The following DYTN variants were observed in gnomAD, a reference collection of about 807,000 sequenced individuals.
The protein encoded by DYTN is dystrotelin.
Under a neutral mutation model 69.6 loss-of-function variants are expected in DYTN, and 75 were observed. The observed-to-expected ratio is 1.08, with a 90% CI of 0.89 to 1.31. The LOEUF (loss-of-function observed/expected upper bound fraction) is 1.31. Among genes scored for constraint, DYTN ranks in the 50% most tolerant of loss-of-function variants. The pLI is 0.00. For synonymous variants in DYTN, 252 were observed against 249.1 expected (o/e 1.01, Z -0.11); for missense variants, 726 against 688.4 (o/e 1.05, Z -0.61).
At chr2:206,703,278 C>T (rs1409234837) in intron 5 of DYTN, among the ~76,000 whole-genome samples, 3 of 152,168 alleles carry the variant, frequency 2.0e-5, no homozygotes, top group Non-Finnish European at 4.4e-5. Context: ...CGCTTCTAAG[C>T]ACTCCAGTCT....
At chr2:206,655,605 G>A (rs913659674) in intron 11 of DYTN, among the ~76,000 whole-genome samples, 1 of 76,440 alleles carries the variant, frequency 1.3e-5, no homozygotes, top group Non-Finnish European at 2.7e-5. Flanking sequence ...TTTTTTTTTT[G>A]TAGAGATAGG....
At chr2:206,702,398 A>T (rs2163033) in intron 5 of DYTN, among the ~76,000 whole-genome samples, 41,159 of 152,218 alleles carry the variant, frequency 0.27, 5,844 homozygotes, top group East Asian at 0.43. Flanking sequence ...ACGTTCTTCT[A>T]ATCAGGAAAG....
intron 7 of DYTN, among the ~76,000 whole-genome samples, chr2:206,698,878 G>A (rs1225797798): frequency 6.6e-6 from 1 of 152,210 alleles, no homozygotes. Flanking sequence ...GTCTGCACAG[G>A]GAGGCAGCGG....
At position 206,691,927 on chromosome 2, in the gene DYTN, C is replaced by A. The variant is rs958250456; in HGVS notation, c.980+1248G>T. Among the ~76,000 whole-genome samples the A allele has an allele frequency of 5.9e-5, 9 of 152,262 alleles. No individual in the cohort carries two copies. The East Asian group carries it at 1.5e-3, about 26-fold the overall frequency. ...GAATACCAATCTGATTTAAACTAAT[C>A]TATTCTTATAGTCCTAGTAGGCAAA... On this transcript the variant is annotated intron_variant, in intron 9 of 11. Coordinates refer to ENST00000452335, the MANE Select transcript of DYTN (RefSeq NM_001093730.1).
At chr2:206,682,623 G>A (rs1699761152) in intron 9 of DYTN, among the ~76,000 whole-genome samples, 1 of 151,870 alleles carries the variant, frequency 6.6e-6, no homozygotes, top group Non-Finnish European at 1.5e-5. Context: ...ATAACCTCAT[G>A]GCTTTAACAA....
At chr2:206,708,248 G>T (rs1272197398) in intron 2 of DYTN, among the ~76,000 whole-genome samples, 1 of 152,148 alleles carries the variant, frequency 6.6e-6, no homozygotes, top group Non-Finnish European at 1.5e-5. Context: ...ATGTAATAGA[G>T]CTAACCCCAT....
chr2:206,700,019 C>T (rs755506940), intron 6 of DYTN, 126 bp downstream of exon 6: 2 of 1,536,220 alleles, frequency 1.3e-6, no homozygotes, highest in South Asian at 2.4e-5. Flanking sequence ...GTGAGACTAC[C>T]TCCTAAATTC....
chr2:206,666,923 T>A (rs1699578908), intron 9 of DYTN, among the ~76,000 whole-genome samples: 1 of 151,872 alleles, frequency 6.6e-6, no homozygotes, highest in South Asian at 2.1e-4. Flanking sequence ...GTGGCACCTG[T>A]AGTCACAGCT....
At chr2:206,710,339 G>A (rs552223033) in intron 2 of DYTN, among the ~76,000 whole-genome samples, 185 bp downstream of exon 2, 1 of 152,266 alleles carries the variant, frequency 6.6e-6, no homozygotes, top group East Asian at 1.9e-4. Context: ...ACTACACATG[G>A]TTTGCCTGCA....
At chr2:206,658,352 C>A (rs2105886565) in intron 11 of DYTN, among the ~76,000 whole-genome samples, 1 of 152,230 alleles carries the variant, frequency 6.6e-6, no homozygotes, top group East Asian at 1.9e-4. Flanking sequence ...GGAGCTCTTA[C>A]TTCTTTGTTG....
intron 4 of DYTN, among the ~76,000 whole-genome samples, chr2:206,705,413 A>G (rs1183649010): frequency 1.3e-5 from 2 of 152,198 alleles, no homozygotes; most frequent in Non-Finnish European, 2.9e-5. Context: ...GATTTTTGTA[A>G]TAACCGTAAT....
chr2:206,718,128 A>G (rs16838691), intron 1 of DYTN, 133 bp downstream of exon 1: 85,453 of 867,696 alleles, frequency 0.098, 4,865 homozygotes, highest in East Asian at 0.16. Flanking sequence ...CTTTAATCAA[A>G]TAACAGTTTC....
intron 11 of DYTN, among the ~76,000 whole-genome samples, chr2:206,656,211 T>G (rs762358443): frequency 2.0e-5 from 3 of 152,182 alleles, no homozygotes; most frequent in African/African-American, 4.8e-5. Flanking sequence ...CTGGGTAAAT[T>G]GACCCTTTTA....
chr2:206,718,291 C>T lies in DYTN; in HGVS notation c.-12G>A. ...TTATCTGGATCCATTTCACAAATTT[C>T]CTGGAATGACAGATGGCAAGTGGGT... On this transcript the variant is annotated 5_prime_UTR_variant, in exon 1 of 12. Coordinates refer to ENST00000452335, the MANE Select transcript of DYTN (RefSeq NM_001093730.1). 6.3e-7 allele frequency: 1 copy of T among 1,599,624 alleles called. No individual in the cohort carries two copies.
At chr2:206,713,190 G>A (rs938021088) in intron 1 of DYTN, among the ~76,000 whole-genome samples, 4 of 152,104 alleles carry the variant, frequency 2.6e-5, no homozygotes, top group African/African-American at 4.8e-5. Flanking sequence ...TCGTGGAATG[G>A]CTACATCAAG....
intron 9 of DYTN, among the ~76,000 whole-genome samples, chr2:206,671,729 T>A (rs1381365501): frequency 6.6e-6 from 1 of 152,194 alleles, no homozygotes; most frequent in Non-Finnish European, 1.5e-5. Flanking sequence ...TAATGTATAT[T>A]GTTAATATGA....
chr2:206,708,919 G>T (rs1461488111), intron 2 of DYTN, among the ~76,000 whole-genome samples: 4 of 152,106 alleles, frequency 2.6e-5, no homozygotes. Context: ...CACAAATTAC[G>T]CTACGGAACA....
At chr2:206,705,336 G>C (rs922483835) in intron 4 of DYTN, among the ~76,000 whole-genome samples, 1 of 152,194 alleles carries the variant, frequency 6.6e-6, no homozygotes, top group Non-Finnish European at 1.5e-5. Context: ...AACCTCAGGT[G>C]ATCCGCCCGC....
At chr2:206,664,288 T>C (rs1699544249) in intron 10 of DYTN, among the ~76,000 whole-genome samples, 1 of 152,186 alleles carries the variant, frequency 6.6e-6, no homozygotes, top group African/African-American at 2.4e-5. Context: ...TGGGTATTTG[T>C]CAAACAGTTT....
Sources: gnomAD v4.1 joint callset for allele counts (sites outside exome capture counted in the v4.1 genomes callset) on GRCh38, gnomAD v4.1.1 for gene constraint, MANE v1.5 for transcripts, NCBI Gene and HGNC (gene_info 2026-07-23, HGNC 2026-07-21) for gene names.